UBE2N: variants seen among roughly 807,000 people sequenced by gnomAD.
The protein encoded by UBE2N is ubiquitin conjugating enzyme E2 N.
For missense variants in UBE2N, 60 were observed against 192.1 expected, an observed-to-expected ratio of 0.31 and a Z score of 4.07; for synonymous variants, 70 against 69.2, an observed-to-expected ratio of 1.01 and a Z score of -0.06.
intron 1 of UBE2N, among the ~76,000 whole-genome samples, chr12:93,412,191 T>A (rs548864214): frequency 1.5e-4 from 23 of 152,370 alleles, no homozygotes; most frequent in African/African-American, 4.8e-4. Flanking sequence ...CTCTTTTTCA[T>A]CATTCTCCCT....
Position 93,409,360 on chromosome 12 carries a change from A to C in UBE2N, c.*679T>G, listed in dbSNP as rs1196068163. ...AATAAACTGTACAAAGGCAAAGTAG[A>C]ATAACAAAAAATATTTTACTAAAAC... On this transcript the variant is annotated 3_prime_UTR_variant, in exon 4 of 4. Transcript: ENST00000318066. The C allele has an allele frequency of 1.2e-5, 2 of 164,318 alleles. No homozygotes were observed. Among genetic ancestry groups the C allele is most frequent in the African/African-American group, 4.8e-5 (2 of 41,466 alleles). 10.2% of individuals were successfully genotyped at this position (164,318 alleles called of 1,614,324 possible).
At chr12:93,413,090 C>T (rs1240582034) in intron 1 of UBE2N, among the ~76,000 whole-genome samples, 2 of 152,190 alleles carry the variant, frequency 1.3e-5, no homozygotes, top group Non-Finnish European at 2.9e-5. Context: ...TCCAATCAAG[C>T]TGTAGTTATC....
chr12:93,410,125 T>C (rs1271347693), intron 3 of UBE2N, 46 bp from the exon 4 acceptor site: 1 of 1,576,410 alleles, frequency 6.3e-7, no homozygotes, highest in Non-Finnish European at 8.7e-7. Flanking sequence ...CTTAGTTCAA[T>C]ATGTTACTTT....
chr12:93,413,675 T>A (rs771116921), intron 1 of UBE2N, among the ~76,000 whole-genome samples: 1 of 152,158 alleles, frequency 6.6e-6, no homozygotes, highest in Non-Finnish European at 1.5e-5. Flanking sequence ...CTAGCCTGAT[T>A]GGCAAATTGG....
intron 1 of UBE2N, among the ~76,000 whole-genome samples, chr12:93,416,754 C>A (rs1157155706): frequency 6.6e-6 from 1 of 150,916 alleles, no homozygotes; most frequent in Admixed American, 6.7e-5. Context: ...ATGGTTCACA[C>A]CTGTAATCCC....
chr12:93,440,443 A>AT (rs1468387291), intron 1 of UBE2N, among the ~76,000 whole-genome samples: 6 of 152,220 alleles, frequency 3.9e-5, no homozygotes, highest in Admixed American at 6.5e-5. Context: ...ATTTCTAAGA[A>AT]TTTCTACCAT....
chr12:93,410,389 CCGT>C, intron 3 of UBE2N: 2 of 493,246 alleles, frequency 4.1e-6, no homozygotes, highest in Non-Finnish European at 7.1e-6. Flanking sequence ...ACTCCAAATT[CCGT>C]AGCCATAAAC....
In UBE2N at chr12:93,406,275, C is replaced by CG. The variant is rs1287037705; in HGVS notation, c.*3763_*3764insC. 1 of 37,990 alleles carries CG rather than the reference C, an allele frequency of 2.6e-5. No homozygotes were observed. The highest frequency in any genetic ancestry group is 1.5e-3 in the East Asian group (1 of 658). 2.4% of individuals were successfully genotyped at this position (37,990 alleles called of 1,614,324 possible). A position where few individuals can be genotyped will look rare whatever the true frequency, so the allele number is the denominator to read the frequency against. ...AGAGCTAGAAAGTGGCTAGAGCAGC[C>CG]AAAAAAAAAAAAAAAAAAAAAAAAA... is the stretch of plus-strand genomic sequence containing the variant. On this transcript the variant is annotated 3_prime_UTR_variant, in exon 4 of 4. Transcript: ENST00000318066.
At chr12:93,430,489 G>A (rs983481752) in intron 1 of UBE2N, among the ~76,000 whole-genome samples, 2 of 152,008 alleles carry the variant, frequency 1.3e-5, no homozygotes, top group African/African-American at 2.4e-5. Flanking sequence ...GGTGGGGAGG[G>A]GGAGGAAAAG....
At chr12:93,429,934 C>G (rs1302195421) in intron 1 of UBE2N, among the ~76,000 whole-genome samples, 2 of 152,030 alleles carry the variant, frequency 1.3e-5, no homozygotes, top group African/African-American at 4.8e-5. Context: ...TTACAGTAAG[C>G]CAAGGCTTAT....
chr12:93,435,884 C>T (rs1481813623), intron 1 of UBE2N, among the ~76,000 whole-genome samples: 1 of 151,944 alleles, frequency 6.6e-6, no homozygotes, highest in Admixed American at 6.6e-5. Flanking sequence ...TGACAGAGAC[C>T]CTGTTTCAAA....
intron 1 of UBE2N, among the ~76,000 whole-genome samples, chr12:93,419,166 G>A (rs762187271): frequency 1.2e-4 from 19 of 152,170 alleles, no homozygotes; most frequent in African/African-American, 2.4e-4. Context: ...TTGGGAGGCC[G>A]AGGCGGGCAG....
At chr12:93,412,580 A>C (rs1363831182) in intron 1 of UBE2N, among the ~76,000 whole-genome samples, 1 of 152,212 alleles carries the variant, frequency 6.6e-6, no homozygotes, top group East Asian at 1.9e-4. Context: ...TTGCCACAAG[A>C]GTATACTGAA....
At position 93,406,909 on chromosome 12, in the gene UBE2N, T is replaced by C. The variant is rs1377669522; in HGVS notation, c.*3130A>G. On this transcript the variant is annotated 3_prime_UTR_variant, in exon 4 of 4. Coordinates refer to ENST00000318066, the MANE Select transcript of UBE2N (RefSeq NM_003348.4). ...AGACAGCCTTTGAGAGGATGAAGGATAACTAGAGCAGAAGCAAATCGCAGC... is the reference window on the plus strand; with the variant it reads ...AGACAGCCTTTGAGAGGATGAAGGACAACTAGAGCAGAAGCAAATCGCAGC... 6.6e-6 allele frequency: 1 copy of C among 152,188 alleles called. No individual in the cohort carries two copies. Among genetic ancestry groups the C allele is most frequent in the Non-Finnish European group, 1.5e-5 (1 of 68,046 alleles). The allele number at this position is 152,188 out of a possible 1,614,324, so 9.4% of individuals were successfully genotyped here. A position where few individuals can be genotyped will look rare whatever the true frequency, so the allele number is the denominator to read the frequency against.
Position 93,408,129 on chromosome 12 carries a change from T to G in UBE2N, c.*1910A>C, listed in dbSNP as rs1017604502. The G allele has an allele frequency of 6.6e-6, 1 of 152,248 alleles. No individual in the cohort carries two copies. The highest frequency in any genetic ancestry group is 1.5e-5 in the Non-Finnish European group (1 of 68,040). 9.4% of individuals were successfully genotyped at this position (152,248 alleles called of 1,614,324 possible). On this transcript the variant is annotated 3_prime_UTR_variant, in exon 4 of 4. Coordinates refer to ENST00000318066, the MANE Select transcript of UBE2N (RefSeq NM_003348.4). ...ATATTACGGGCAGTAAATGTTGATT[T>G]CTATTTCGTTTCTTGAAGTTTTGTG...
chr12:93,410,755 CGTTG>C lies in UBE2N; in HGVS notation c.393_396del (p.Asn132LysfsTer5). The C allele has an allele frequency of 6.2e-7, 1 of 1,614,176 alleles. No homozygotes were observed. Among genetic ancestry groups the C allele is most frequent in the Non-Finnish European group, 8.5e-7 (1 of 1,180,026 alleles). On this transcript the variant is annotated frameshift_variant, in exon 3 of 4. Transcript: ENST00000318066. LOFTEE classifies it high-confidence loss of function. ...ATACCTGTTTCTATGGCTTGGGCTT[CGTTG>C]GTCTTCCACTGCTCCGCTACATCAT... is the stretch of plus-strand genomic sequence containing the variant.
intron 1 of UBE2N, among the ~76,000 whole-genome samples, chr12:93,419,578 G>A (rs749781083): frequency 6.6e-6 from 1 of 152,148 alleles, no homozygotes; most frequent in Non-Finnish European, 1.5e-5. Context: ...AGAGTTCACT[G>A]AGGAACTATT....
chr12:93,426,883 T>A (rs970729181), intron 1 of UBE2N, among the ~76,000 whole-genome samples: 1 of 152,016 alleles, frequency 6.6e-6, no homozygotes, highest in African/African-American at 2.4e-5. Context: ...TTTTTTTTTT[T>A]AAGCTCATCG....
chr12:93,417,915 C>T (rs1388633784), intron 1 of UBE2N, among the ~76,000 whole-genome samples: 5 of 152,096 alleles, frequency 3.3e-5, no homozygotes, highest in Admixed American at 3.3e-4. Flanking sequence ...ACTAATAAAG[C>T]AAGTCAATTC....
Sources: allele counts gnomAD v4.1 joint callset (sites outside exome capture counted in the v4.1 genomes callset), GRCh38; gene constraint gnomAD v4.1.1; transcripts MANE v1.5; gene names NCBI Gene and HGNC (gene_info 2026-07-23, HGNC 2026-07-21).